Variants in RABGAP1L observed in about 807,000 individuals in gnomAD.
RABGAP1L encodes the protein RAB GTPase activating protein 1 like.
In RABGAP1L, 63 loss-of-function variants were observed where a neutral mutation model predicts 137.7. The observed-to-expected ratio is 0.46, with a 90% confidence interval of 0.37 to 0.56. The LOEUF (loss-of-function observed/expected upper bound fraction) is 0.56. Among genes scored for constraint, RABGAP1L ranks in the 20% least tolerant of loss-of-function variants. The pLI is 0.00. For synonymous variants in RABGAP1L, 431 were observed against 433.7 expected (o/e 0.99, Z 0.08); for missense variants, 1,095 against 1,244.0 (o/e 0.88, Z 1.80).
At chr1:174,177,091 A>C (rs538822341) in intron 1 of RABGAP1L, among the ~76,000 whole-genome samples, 39 of 152,176 alleles carry the variant, frequency 2.6e-4, no homozygotes, top group African/African-American at 8.9e-4. Flanking sequence ...AAAACAAAAC[A>C]AAACCAACAG....
chr1:174,752,249 G>T, intron 17 of RABGAP1L, 64 bp from the exon 18 acceptor site: 1 of 1,159,614 alleles, frequency 8.6e-7, no homozygotes, highest in Non-Finnish European at 1.2e-6. Context: ...TGGAAGTCTT[G>T]GGGAAATAAT....
In RABGAP1L at chr1:174,751,613, T is replaced by G. The variant is rs577050775; in HGVS notation, c.2170-700T>G. On this transcript the variant is annotated intron_variant, in intron 17 of 25. Transcript: ENST00000681986. ...TTGAATTTAATAACTCAATGTCTCT[T>G]CAGAGCAATTGGGCAGAACCCAGAG... Among the ~76,000 whole-genome samples the G allele has an allele frequency of 2.2e-4, 34 of 152,334 alleles. No homozygotes were observed. The South Asian group carries it at 6.8e-3, about 31-fold the overall frequency.
chr1:174,976,385 T>TA (rs368215258), intron 22 of RABGAP1L, among the ~76,000 whole-genome samples: 82 of 152,306 alleles, frequency 5.4e-4, no homozygotes, highest in African/African-American at 1.9e-3. Flanking sequence ...GAGGAGGCAG[T>TA]ATTTCTACCC....
chr1:174,567,155 C>G (rs186469542), intron 13 of RABGAP1L, among the ~76,000 whole-genome samples: 173 of 152,202 alleles, frequency 1.1e-3, no homozygotes, highest in Non-Finnish European at 2.0e-3. Flanking sequence ...AAAAACTATG[C>G]CCATTAAACA....
chr1:174,213,765 A>G (rs974676818), intron 1 of RABGAP1L, among the ~76,000 whole-genome samples: 2 of 152,206 alleles, frequency 1.3e-5, no homozygotes, highest in Non-Finnish European at 2.9e-5. Context: ...GTTGATGATA[A>G]AAAAGCATTT....
At chr1:174,257,448 T>C in intron 7 of RABGAP1L, among the ~76,000 whole-genome samples, 1 of 152,182 alleles carries the variant, frequency 6.6e-6, no homozygotes, top group East Asian at 1.9e-4. Context: ...TATATATATG[T>C]TCTTTGCTAA....
At chr1:174,482,269 C>T (rs1209072464) in intron 13 of RABGAP1L, among the ~76,000 whole-genome samples, 2 of 152,206 alleles carry the variant, frequency 1.3e-5, no homozygotes, top group African/African-American at 2.4e-5. Flanking sequence ...CCATGTCAGA[C>T]TTACGACTTA....
At chr1:174,349,047 G>C (rs572004248) in intron 11 of RABGAP1L, among the ~76,000 whole-genome samples, 20 of 139,152 alleles carry the variant, frequency 1.4e-4, no homozygotes, top group African/African-American at 4.1e-4. Flanking sequence ...GGCCGGGCGG[G>C]GGGGGGGCTG....
intron 13 of RABGAP1L, among the ~76,000 whole-genome samples, chr1:174,613,893 T>G (rs1226491028): frequency 6.6e-6 from 1 of 152,260 alleles, no homozygotes; most frequent in Admixed American, 6.5e-5. Context: ...TGCCTTTTTT[T>G]GTTTTCCATT....
intron 13 of RABGAP1L, among the ~76,000 whole-genome samples, chr1:174,394,794 G>A (rs1258665347): frequency 1.3e-5 from 2 of 151,954 alleles, no homozygotes; most frequent in African/African-American, 2.4e-5. Flanking sequence ...CCTCATAAAT[G>A]AGATTTTTAT....
At chr1:174,680,024 T>G (rs544184631) in intron 14 of RABGAP1L, among the ~76,000 whole-genome samples, 28 of 152,142 alleles carry the variant, frequency 1.8e-4, no homozygotes, top group Non-Finnish European at 4.0e-4. Context: ...AAACAGGGCA[T>G]GTACAAACAC....
intron 13 of RABGAP1L, among the ~76,000 whole-genome samples, chr1:174,478,456 T>C (rs1658741289): frequency 6.6e-6 from 1 of 151,960 alleles, no homozygotes; most frequent in South Asian, 2.1e-4. Context: ...AAAATTTTTT[T>C]TTAAGAGATG....
chr1:174,246,149 T>A (rs144407896), intron 5 of RABGAP1L: 62 of 152,328 alleles, frequency 4.1e-4, no homozygotes, highest in African/African-American at 1.4e-3. Flanking sequence ...TAAAAGGTGC[T>A]TAAAATTCCG....
intron 19 of RABGAP1L, among the ~76,000 whole-genome samples, chr1:174,900,333 G>C (rs1042226436): frequency 6.6e-6 from 1 of 152,202 alleles, no homozygotes; most frequent in Non-Finnish European, 1.5e-5. Context: ...CAATACTGTA[G>C]AGGTTTCCCA....
At chr1:174,981,742 ACTT>A (rs2149387199) in intron 23 of RABGAP1L, among the ~76,000 whole-genome samples, 1 of 151,766 alleles carries the variant, frequency 6.6e-6, no homozygotes, top group East Asian at 1.9e-4. Context: ...AACATCCAAT[ACTT>A]ATTTATCTAG....
At chr1:174,943,428 A>T (rs1250640052) in intron 19 of RABGAP1L, among the ~76,000 whole-genome samples, 1 of 152,222 alleles carries the variant, frequency 6.6e-6, no homozygotes, top group African/African-American at 2.4e-5. Flanking sequence ...TCCTCAGAGA[A>T]GCAATAAAAA....
At chr1:174,315,100 T>C (rs1303043536) in intron 11 of RABGAP1L, among the ~76,000 whole-genome samples, 1 of 152,096 alleles carries the variant, frequency 6.6e-6, no homozygotes, top group African/African-American at 2.4e-5. Flanking sequence ...TTTGAAGGTA[T>C]TATTGTGTTG....
chr1:174,373,621 C>A lies in RABGAP1L; in HGVS notation c.1559+2549C>A, dbSNP rs117379295. On this transcript the variant is annotated intron_variant, in intron 12 of 25. Coordinates refer to ENST00000681986, the MANE Select transcript of RABGAP1L (RefSeq NM_001366446.1). ...CACACTTCTGAAGAGATACCCAGAT[C>A]TTGGAGCAGGTGGGGAGGACCACAT... Among the ~76,000 whole-genome samples, 135 of 152,300 alleles carry A rather than the reference C, an allele frequency of 8.9e-4. 2 individuals are homozygous for A. In the East Asian group the frequency reaches 0.025, roughly 28 times the overall value.
intron 11 of RABGAP1L, among the ~76,000 whole-genome samples, chr1:174,306,550 G>C (rs1678269086): frequency 6.6e-6 from 1 of 152,168 alleles, no homozygotes; most frequent in Non-Finnish European, 1.5e-5. Flanking sequence ...TCTGTTGGCT[G>C]CAGAAATATC....
Sources: gnomAD v4.1 joint callset for allele counts (sites outside exome capture counted in the v4.1 genomes callset) on GRCh38, gnomAD v4.1.1 for gene constraint, MANE v1.5 for transcripts, NCBI Gene and HGNC (gene_info 2026-07-23, HGNC 2026-07-21) for gene names.